Variants in CENPC observed in about 807,000 individuals in gnomAD.
CENPC encodes centromere protein C, also known as CENP-C 1.
A neutral mutation model predicts 112.1 loss-of-function variants in CENPC; 63 were observed. The ratio of observed to expected loss-of-function variants is 0.56; its 90% CI spans 0.46 to 0.69. The LOEUF is 0.69. CENPC is among the 30% of genes least tolerant of loss of function. The pLI, the probability that CENPC is intolerant of heterozygous loss-of-function variation, is 0.00. For missense variants in CENPC, 1,000 were observed against 1,103.8 expected (o/e 0.91, Z 1.33); for synonymous variants, 333 against 367.6 (o/e 0.91, Z 1.08).
intron 13 of CENPC, among the ~76,000 whole-genome samples, chr4:67,494,570 C>T (rs1209868040): frequency 9.0e-6 from 1 of 111,092 alleles, no homozygotes; most frequent in Non-Finnish European, 1.9e-5. Flanking sequence ...TGAGAGAAAG[C>T]TTCACTCCTA....
chr4:67,479,872 G>T (rs1049135258), intron 17 of CENPC, among the ~76,000 whole-genome samples: 5 of 152,166 alleles, frequency 3.3e-5, no homozygotes, highest in Admixed American at 2.0e-4. Context: ...AGGCTCGTAT[G>T]AACACCTTTA....
At chr4:67,483,765 CA>C (rs138655348) in intron 17 of CENPC, among the ~76,000 whole-genome samples, 34,874 of 150,018 alleles carry the variant, frequency 0.23, 4,400 homozygotes, top group Non-Finnish European at 0.29. Context: ...TACTTTTTAA[CA>C]AAAAAGTTTT....
chr4:67,524,210 A>T (rs965128217), intron 5 of CENPC, among the ~76,000 whole-genome samples: 2 of 152,190 alleles, frequency 1.3e-5, no homozygotes, highest in Non-Finnish European at 2.9e-5. Flanking sequence ...GGATGATGTC[A>T]CAATAGATTT....
chr4:67,490,867 T>G (rs999327383), intron 16 of CENPC, among the ~76,000 whole-genome samples: 6,313 of 20,530 alleles, frequency 0.31, 342 homozygotes, highest in Admixed American at 0.34. Context: ...TATATATATA[T>G]ATATATATAT....
chr4:67,490,306 A>C (rs1048008437), intron 16 of CENPC, among the ~76,000 whole-genome samples, 185 bp from the exon 17 acceptor site: 2 of 152,156 alleles, frequency 1.3e-5, no homozygotes, highest in Admixed American at 1.3e-4. Flanking sequence ...TAAAAGCTGC[A>C]TGACCTTAGG....
chr4:67,514,016 TA>T (rs1266039451), intron 8 of CENPC, 57 bp downstream of exon 8: 228 of 1,448,446 alleles, frequency 1.6e-4, no homozygotes, highest in Non-Finnish European at 2.0e-4. Context: ...GTTAGGATAT[TA>T]AAAAACATAA....
intron 17 of CENPC, 103 bp from the exon 18 acceptor site, chr4:67,475,081 G>T (rs1300631747): frequency 6.0e-6 from 4 of 661,906 alleles, no homozygotes; most frequent in Non-Finnish European, 1.0e-5. Context: ...CCACAAATGT[G>T]CTGGCTTTAA....
At chr4:67,491,062 T>G (rs1038913517) in intron 16 of CENPC, among the ~76,000 whole-genome samples, 1 of 151,480 alleles carries the variant, frequency 6.6e-6, no homozygotes. Flanking sequence ...CATATAGAGA[T>G]ACCTTTGCTA....
chr4:67,538,123 T>C (rs1221140323), intron 4 of CENPC, among the ~76,000 whole-genome samples: 1 of 151,970 alleles, frequency 6.6e-6, no homozygotes, highest in Non-Finnish European at 1.5e-5. Flanking sequence ...ACAGAGAAAA[T>C]ACTGAACAAC....
At chr4:67,524,885 A>G (rs1726329410) in intron 5 of CENPC, among the ~76,000 whole-genome samples, 1 of 152,192 alleles carries the variant, frequency 6.6e-6, no homozygotes, top group Non-Finnish European at 1.5e-5. Context: ...CCTAAGCAAA[A>G]AGAACAAAGT....
At chr4:67,478,629 AACACACACACACAC>A (rs200741539) in intron 17 of CENPC, among the ~76,000 whole-genome samples, 3 of 81,888 alleles carry the variant, frequency 3.7e-5, no homozygotes, top group Non-Finnish European at 5.2e-5. Context: ...GGGTCTATAA[AACACACACACACAC>A]ACACACACAC....
chr4:67,469,797 A>G lies in CENPC; in HGVS notation c.*2808T>C, dbSNP rs913126902. ...AAACTGGACACAGAGAGTTAAGCTCAAAAAGAACAGTGGTCTTAATGGGCA... is the reference window on the plus strand; with the variant it reads ...AAACTGGACACAGAGAGTTAAGCTCGAAAAGAACAGTGGTCTTAATGGGCA... On this transcript the variant is annotated 3_prime_UTR_variant, in exon 19 of 19. Coordinates refer to ENST00000273853, the MANE Select transcript of CENPC (RefSeq NM_001812.4). 4 of 152,258 alleles carry G rather than the reference A, an allele frequency of 2.6e-5. No individual in the cohort carries two copies. The highest frequency in any genetic ancestry group is 9.6e-5 in the African/African-American group (4 of 41,464). The allele number at this position is 152,258 out of a possible 1,614,324, so 9.4% of individuals were successfully genotyped here. A position where few individuals can be genotyped will look rare whatever the true frequency, so the allele number is the denominator to read the frequency against.
chr4:67,541,943 CAACATGT>C (rs1726900499), intron 2 of CENPC, among the ~76,000 whole-genome samples: 1 of 80,868 alleles, frequency 1.2e-5, no homozygotes, highest in Non-Finnish European at 3.3e-5. Flanking sequence ...TAGAATCATA[CAACATGT>C]ATCCTCTTGC....
intron 2 of CENPC, among the ~76,000 whole-genome samples, chr4:67,542,900 T>TAATG (rs1726927008): frequency 6.6e-6 from 1 of 152,184 alleles, no homozygotes; most frequent in Non-Finnish European, 1.5e-5. Context: ...GCCAAGGTGA[T>TAATG]AATGCAGAGT....
At chr4:67,527,495 T>TTC (rs1726419301) in intron 5 of CENPC, among the ~76,000 whole-genome samples, 1 of 22,708 alleles carries the variant, frequency 4.4e-5, no homozygotes, top group Non-Finnish European at 8.7e-5. Context: ...ACCCCATCCT[T>TTC]TTTTTTTTTT....
At chr4:67,544,115 A>C in intron 2 of CENPC, 34 bp downstream of exon 2, 1 of 1,174,578 alleles carries the variant, frequency 8.5e-7, no homozygotes, top group East Asian at 2.3e-5. Context: ...GATGAGAATA[A>C]AAATAATCTT....
At chr4:67,494,517 G>T (rs1019688342) in intron 13 of CENPC, among the ~76,000 whole-genome samples, 4 of 152,054 alleles carry the variant, frequency 2.6e-5, no homozygotes, top group African/African-American at 7.2e-5. Context: ...CATCACATAG[G>T]CCCACAAAAT....
Position 67,538,112 on chromosome 4 carries a change from G to C in CENPC, c.231+1728C>G, listed in dbSNP as rs528398636. Among the ~76,000 whole-genome samples, 57 of 152,248 alleles carry C rather than the reference G, an allele frequency of 3.7e-4. 1 individual carries two copies. The South Asian group carries it at 5.0e-3, about 13-fold the overall frequency. On this transcript the variant is annotated intron_variant, in intron 4 of 18. Coordinates refer to ENST00000273853, the MANE Select transcript of CENPC (RefSeq NM_001812.4). ...CATAAAAACACTTCAGGAGAAAAGA[G>C]ACAGAGAAAATACTGAACAACTCAT... is the stretch of plus-strand genomic sequence containing the variant.
At chr4:67,503,413 G>T (rs1725646104) in intron 12 of CENPC, among the ~76,000 whole-genome samples, 1 of 151,992 alleles carries the variant, frequency 6.6e-6, no homozygotes, top group African/African-American at 2.4e-5. Context: ...ACCTAAAAAT[G>T]TAAACTTCAT....
Sources: gnomAD v4.1 joint callset for allele counts (sites outside exome capture counted in the v4.1 genomes callset) on GRCh38, gnomAD v4.1.1 for gene constraint, MANE v1.5 for transcripts, NCBI Gene and HGNC (gene_info 2026-07-23, HGNC 2026-07-21) for gene names.